LRRC1: variants seen among roughly 807,000 people sequenced by gnomAD.
The protein encoded by LRRC1 is leucine-rich repeat-containing protein 1.
In LRRC1, 28 loss-of-function variants were observed where a neutral mutation model predicts 69.9. The observed-to-expected ratio is 0.40, with a 90% CI of 0.30 to 0.55. The LOEUF is 0.55. LRRC1 is among the 20% of genes least tolerant of loss of function. The probability of loss-of-function intolerance (pLI) is 0.47; values close to 1 mark genes in which losing one functional copy is unlikely to be tolerated. For missense variants in LRRC1, 498 were observed against 609.0 expected (o/e 0.82, Z 1.92); for synonymous variants, 236 against 240.2 (o/e 0.98, Z 0.16).
intron 2 of LRRC1, among the ~76,000 whole-genome samples, chr6:53,854,688 A>T (rs1402429391): frequency 6.6e-6 from 1 of 152,226 alleles, no homozygotes; most frequent in Non-Finnish European, 1.5e-5. Flanking sequence ...CTGTCTCCCT[A>T]GTATAAAAAC....
intron 2 of LRRC1, among the ~76,000 whole-genome samples, chr6:53,843,808 T>A (rs1765859281): frequency 6.6e-6 from 1 of 152,202 alleles, no homozygotes; most frequent in Non-Finnish European, 1.5e-5. Flanking sequence ...ACTGAACTGC[T>A]CTGTTGGAAC....
chr6:53,884,118 G>A (rs187361652), intron 4 of LRRC1: 270 of 645,582 alleles, frequency 4.2e-4, no homozygotes, highest in African/African-American at 3.4e-3. Context: ...TAGGTGTATG[G>A]TATCAGTTGC....
chr6:53,856,097 C>G (rs1766299915), intron 2 of LRRC1, among the ~76,000 whole-genome samples: 1 of 152,028 alleles, frequency 6.6e-6, no homozygotes, highest in Non-Finnish European at 1.5e-5. Context: ...GAGATAAACT[C>G]AAAGAAATGT....
chr6:53,861,188 T>A (rs977430507), intron 2 of LRRC1, among the ~76,000 whole-genome samples: 4 of 151,634 alleles, frequency 2.6e-5, no homozygotes, highest in African/African-American at 7.3e-5. Flanking sequence ...TAAAAAAAAA[T>A]AAAATAAAAT....
At chr6:53,817,416 T>G (rs1206627651) in intron 1 of LRRC1, among the ~76,000 whole-genome samples, 1 of 152,214 alleles carries the variant, frequency 6.6e-6, no homozygotes, top group Non-Finnish European at 1.5e-5. Context: ...ACATGTCACC[T>G]CAAATATTTA....
chr6:53,891,150 C>G, intron 4 of LRRC1, among the ~76,000 whole-genome samples: 1 of 152,188 alleles, frequency 6.6e-6, no homozygotes, highest in South Asian at 2.1e-4. Context: ...AGAAGAAATA[C>G]TTCATGTATT....
chr6:53,840,494 G>A (rs879356194), intron 1 of LRRC1, among the ~76,000 whole-genome samples: 1 of 151,748 alleles, frequency 6.6e-6, no homozygotes, highest in Non-Finnish European at 1.5e-5. Context: ...TGGTCGCATG[G>A]TGGGCCCTCT....
At chr6:53,833,609 A>G (rs1272142358) in intron 1 of LRRC1, among the ~76,000 whole-genome samples, 1 of 152,190 alleles carries the variant, frequency 6.6e-6, no homozygotes, top group Admixed American at 6.5e-5. Flanking sequence ...TTGGTCATGC[A>G]AGGAAAGGAG....
chr6:53,818,271 C>T (rs1247668148), intron 1 of LRRC1, among the ~76,000 whole-genome samples: 1 of 152,062 alleles, frequency 6.6e-6, no homozygotes, highest in African/African-American at 2.4e-5. Context: ...CTGGTCTTAT[C>T]TATTAAAATT....
chr6:53,825,651 C>T (rs778223915), intron 1 of LRRC1, among the ~76,000 whole-genome samples: 1 of 152,110 alleles, frequency 6.6e-6, no homozygotes, highest in Admixed American at 6.5e-5. Context: ...AACTGAAATG[C>T]ATCGCCTCAC....
intron 10 of LRRC1, chr6:53,905,455 A>T (rs1768204562): frequency 6.6e-6 from 1 of 152,104 alleles, no homozygotes; most frequent in Non-Finnish European, 1.5e-5. Flanking sequence ...TCAGCAATAA[A>T]GCCTAAAACT....
chr6:53,901,255 A>G (rs955940694), intron 8 of LRRC1, among the ~76,000 whole-genome samples: 1 of 152,246 alleles, frequency 6.6e-6, no homozygotes, highest in Non-Finnish European at 1.5e-5. Context: ...TGTGAATTTC[A>G]TTTAAGAAAG....
chr6:53,861,553 A>C (rs1766522119), intron 2 of LRRC1, among the ~76,000 whole-genome samples: 1 of 151,280 alleles, frequency 6.6e-6, no homozygotes, highest in Admixed American at 6.6e-5. Flanking sequence ...TTGTGCTCTG[A>C]AGTTTGAGAA....
At chr6:53,814,376 C>G (rs1461568482) in intron 1 of LRRC1, among the ~76,000 whole-genome samples, 1 of 152,224 alleles carries the variant, frequency 6.6e-6, no homozygotes, top group Non-Finnish European at 1.5e-5. Context: ...TTTCAAAACA[C>G]CATTGAACCT....
intron 1 of LRRC1, among the ~76,000 whole-genome samples, chr6:53,796,257 C>T (rs1009700157): frequency 2.0e-5 from 3 of 152,232 alleles, no homozygotes; most frequent in African/African-American, 7.2e-5. Flanking sequence ...TGCCGCCGAA[C>T]TTGTCAAGCG....
chr6:53,897,232 G>A, intron 6 of LRRC1, 53 bp from the exon 7 acceptor site: 2 of 1,217,462 alleles, frequency 1.6e-6, no homozygotes, highest in Non-Finnish European at 2.4e-6. Flanking sequence ...TTTCTTCAGG[G>A]AAGACTGAAA....
At chr6:53,905,791 A>G (rs1233417042) in intron 10 of LRRC1, among the ~76,000 whole-genome samples, 5 of 152,174 alleles carry the variant, frequency 3.3e-5, no homozygotes, top group Non-Finnish European at 7.3e-5. Flanking sequence ...TACTATAAAC[A>G]TGATCATATT....
intron 1 of LRRC1, among the ~76,000 whole-genome samples, chr6:53,828,169 CAAA>C (rs35639473): frequency 3.0e-5 from 4 of 135,234 alleles, no homozygotes; most frequent in Non-Finnish European, 1.6e-5. Context: ...GTTCAAAGGC[CAAA>C]AAAAAAAAAA....
At chr6:53,835,098 A>C (rs1765575933) in intron 1 of LRRC1, among the ~76,000 whole-genome samples, 1 of 151,854 alleles carries the variant, frequency 6.6e-6, no homozygotes, top group African/African-American at 2.4e-5. Flanking sequence ...TTAAGATATA[A>C]TTCACATACC....
Sources: gnomAD v4.1 joint callset for allele counts (sites outside exome capture counted in the v4.1 genomes callset) on GRCh38, gnomAD v4.1.1 for gene constraint, MANE v1.5 for transcripts, NCBI Gene and HGNC (gene_info 2026-07-23, HGNC 2026-07-21) for gene names.